Variants in MCFD2 observed in about 807,000 individuals in gnomAD.
The protein encoded by MCFD2 is multiple coagulation factor deficiency 2, ER cargo receptor complex subunit.
A neutral mutation model predicts 12.8 loss-of-function variants in MCFD2; 11 were observed. The ratio of observed to expected loss-of-function variants is 0.86; its 90% CI spans 0.54 to 1.42. The LOEUF (loss-of-function observed/expected upper bound fraction) is 1.42. Ranked by LOEUF, MCFD2 falls within the 40% of genes most tolerant of loss-of-function variation. The probability of loss-of-function intolerance (pLI) is 0.00; values close to 1 mark genes in which losing one functional copy is unlikely to be tolerated. For synonymous variants in MCFD2, 70 were observed against 68.1 expected, an observed-to-expected ratio of 1.03 and a Z score of -0.14; for missense variants, 191 against 178.6, an observed-to-expected ratio of 1.07 and a Z score of -0.40.
intron 1 of MCFD2, among the ~76,000 whole-genome samples, chr2:46,928,111 C>G (rs2117167): frequency 6.6e-6 from 1 of 151,498 alleles, no homozygotes; most frequent in Non-Finnish European, 1.5e-5. Flanking sequence ...AGGCTGGTCT[C>G]TAACTCCTCG....
intron 1 of MCFD2, among the ~76,000 whole-genome samples, chr2:46,924,781 G>A (rs1359711939): frequency 1.3e-5 from 2 of 152,112 alleles, no homozygotes; most frequent in African/African-American, 4.8e-5. Flanking sequence ...CACACTGCCA[G>A]CACGCCTGGC....
intron 1 of MCFD2, among the ~76,000 whole-genome samples, chr2:46,931,535 A>G (rs923841304): frequency 2.0e-5 from 3 of 151,022 alleles, no homozygotes; most frequent in Non-Finnish European, 4.4e-5. Flanking sequence ...GAGTCAGAGT[A>G]GAGGTGCCCA....
chr2:46,936,020 G>T (rs1200762168), intron 1 of MCFD2, among the ~76,000 whole-genome samples: 1 of 152,140 alleles, frequency 6.6e-6, no homozygotes, highest in Non-Finnish European at 1.5e-5. Flanking sequence ...GAGCCCAGGA[G>T]TTCAAGGCTG....
chr2:46,911,873 C>T (rs969826863), intron 1 of MCFD2, among the ~76,000 whole-genome samples: 8 of 151,840 alleles, frequency 5.3e-5, no homozygotes, highest in African/African-American at 1.7e-4. Flanking sequence ...TGCAGTGAGC[C>T]GAGATCTGCT....
Position 46,908,226 on chromosome 2 carries a change from A to T in MCFD2, c.150-257T>A. 1 of 522,656 alleles carries T rather than the reference A, an allele frequency of 1.9e-6. No individual in the cohort carries two copies. Among genetic ancestry groups the T allele is most frequent in the Non-Finnish European group, 3.4e-6 (1 of 291,788 alleles). The allele number at this position is 522,656 out of a possible 1,614,324, so 32.4% of individuals were successfully genotyped here. On this transcript the variant is annotated intron_variant, in intron 2 of 3. Transcript: ENST00000319466. The surrounding 1 kb of genome is among the most constrained non-coding windows in gnomAD (Gnocchi z 4.5). ...TTTATTATTAGAATTTTGTTATAAC[A>T]TTTTCAGGCCATCAATTTAAAAATA...
At chr2:46,916,142 A>C (rs551472426), upstream of MCFD2, 27 of 985,470 alleles carry the variant, frequency 2.7e-5, no homozygotes, top group South Asian at 4.7e-5. Flanking sequence ...GCTGGCTCCC[A>C]ACTCCGCTCA....
upstream of MCFD2, among the ~76,000 whole-genome samples, chr2:46,919,735 G>A (rs1004312037): frequency 1.3e-5 from 2 of 152,208 alleles, no homozygotes; most frequent in East Asian, 1.9e-4. Context: ...AAAGGTGTGC[G>A]TTCTGCACAA....
At position 46,934,387 on chromosome 2, in the gene MCFD2, T is replaced by C. The variant is rs145053227; in HGVS notation, c.-8+7185A>G. ...AATGCTTGTGCATCAGCCACCTGAA[T>C]TGCTGGTATTATAGATGCATGCCAC... On this transcript the variant is annotated intron_variant, in intron 1 of 2. Transcript: ENST00000409147. Among the ~76,000 whole-genome samples the C allele has an allele frequency of 5.3e-3, 814 of 152,282 alleles. 6 individuals carry two copies. Among genetic ancestry groups the C allele is most frequent in the African/African-American group, 0.018 (746 of 41,534 alleles).
intron 1 of MCFD2, among the ~76,000 whole-genome samples, chr2:46,933,153 GGCCCATTGTAGCAGTCTT>G (rs1669800324): frequency 6.6e-6 from 1 of 152,126 alleles, no homozygotes; most frequent in African/African-American, 2.4e-5. Context: ...TCTGGAGAGG[GGCCCATTGTAGCAGTCTT>G]GCAAAATGAC....
intron 1 of MCFD2, among the ~76,000 whole-genome samples, chr2:46,928,476 A>C (rs1230496572): frequency 2.0e-5 from 3 of 151,518 alleles, no homozygotes; most frequent in Admixed American, 6.6e-5. Context: ...AAAAAAAAAA[A>C]AAAAAAAAAC....
At chr2:46,906,015 A>G in intron 3 of MCFD2, 1 of 471,606 alleles carries the variant, frequency 2.1e-6, no homozygotes, top group South Asian at 1.5e-5. Flanking sequence ...GAATTGGACA[A>G]CAAGTTGGCA....
At position 46,930,197 on chromosome 2, in the gene MCFD2, TAGAG is replaced by T. The variant is rs949976661; in HGVS notation, c.-8+11371_-8+11374del. Among the ~76,000 whole-genome samples, 24 of 152,200 alleles carry T rather than the reference TAGAG, an allele frequency of 1.6e-4. No homozygotes were observed. In the Middle Eastern group the frequency reaches 0.014, roughly 86 times the overall value. ...TAATGCAGTGGAAAGCAACATGTAA[TAGAG>T]AGGATCATTATAAACAAAAACTGGT... On this transcript the variant is annotated intron_variant, in intron 1 of 2. Coordinates refer to the MCFD2 transcript ENST00000409147.
At position 46,907,992 on chromosome 2, in the gene MCFD2, A is replaced by G. The variant is rs1476887752; in HGVS notation, c.150-23T>C. On this transcript the variant is annotated intron_variant, in intron 2 of 3. Coordinates refer to ENST00000319466, the MANE Select transcript of MCFD2 (RefSeq NM_139279.6). The surrounding 1 kb of genome is among the most constrained non-coding windows in gnomAD (Gnocchi z 4.1). ...TGCCTAAAAATCAACAGTCAGGTTC[A>G]GGCCAATTGACAGATACTGGGATCA... The G allele has an allele frequency of 6.2e-7, 1 of 1,613,662 alleles. No individual in the cohort carries two copies.
At chr2:46,916,583 T>G (rs1668800851), upstream of MCFD2, 1 of 153,642 alleles carries the variant, frequency 6.5e-6, no homozygotes. Flanking sequence ...ATTCAGTAAG[T>G]ATCCATTGAC....
At chr2:46,905,959 G>A in intron 3 of MCFD2, 1 of 475,922 alleles carries the variant, frequency 2.1e-6, no homozygotes, top group Non-Finnish European at 4.3e-6. Context: ...TCCTCCTGAG[G>A]GTCAGCTCTG....
At position 46,915,804 on chromosome 2, in the gene MCFD2, T is replaced by TGGGGGGGGGGGGGCGGGGGG; in HGVS notation, c.-89_-88insCCCCCCGCCCCCCCCCCCCC. The TGGGGGGGGGGGGGCGGGGGG allele has an allele frequency of 1.8e-6, 1 of 568,430 alleles. No homozygotes were observed. Among genetic ancestry groups the TGGGGGGGGGGGGGCGGGGGG allele is most frequent in the Non-Finnish European group, 2.0e-6 (1 of 510,736 alleles). The allele number at this position is 568,430 out of a possible 1,614,324, so 35.2% of individuals were successfully genotyped here. A position where few individuals can be genotyped will look rare whatever the true frequency, so the allele number is the denominator to read the frequency against. ...GTCCCCAAAACGCTCTTCCTCGGCT[T>TGGGGGGGGGGGGGCGGGGGG]CGCCCCGCCCCCCCCCCCCCCCCGA... On this transcript the variant is annotated 5_prime_UTR_variant, in exon 1 of 4. Transcript: ENST00000319466.
Position 46,915,804 on chromosome 2 carries a change from T to TGGGGGGGGGGGGGGGGGGGGGGGGG in MCFD2, c.-89_-88insCCCCCCCCCCCCCCCCCCCCCCCCC. On this transcript the variant is annotated 5_prime_UTR_variant, in exon 1 of 4. Transcript: ENST00000319466. ...GTCCCCAAAACGCTCTTCCTCGGCT[T>TGGGGGGGGGGGGGGGGGGGGGGGGG]CGCCCCGCCCCCCCCCCCCCCCCGA... is the stretch of plus-strand genomic sequence containing the variant. The TGGGGGGGGGGGGGGGGGGGGGGGGG allele has an allele frequency of 3.7e-5, 21 of 568,426 alleles. No homozygotes were observed. Among genetic ancestry groups the TGGGGGGGGGGGGGGGGGGGGGGGGG allele is most frequent in the South Asian group, 1.0e-4 (1 of 9,538 alleles). The allele number at this position is 568,426 out of a possible 1,614,324, so 35.2% of individuals were successfully genotyped here. A position where few individuals can be genotyped will look rare whatever the true frequency, so the allele number is the denominator to read the frequency against.
chr2:46,911,168 G>T (rs549992563), intron 1 of MCFD2, among the ~76,000 whole-genome samples: 2 of 151,658 alleles, frequency 1.3e-5, no homozygotes, highest in Admixed American at 6.6e-5. Flanking sequence ...TTGTTCTTTC[G>T]CCAGGCTGGA....
chr2:46,911,748 C>A (rs1467274386), intron 1 of MCFD2, among the ~76,000 whole-genome samples: 2 of 151,550 alleles, frequency 1.3e-5, no homozygotes, highest in East Asian at 4.0e-4. Flanking sequence ...GGTGAAATCC[C>A]GTTTCTACTA....
Sources: gnomAD v4.1 joint callset for allele counts (sites outside exome capture counted in the v4.1 genomes callset) on GRCh38, gnomAD v4.1.1 for gene constraint, Gnocchi (gnomAD v3.1) non-coding constraint, MANE v1.5 for transcripts, NCBI Gene and HGNC (gene_info 2026-07-23, HGNC 2026-07-21) for gene names.